Variants in PRKCI observed in about 807,000 individuals in gnomAD.
PRKCI encodes protein kinase C iota type.
PRKCI carries 43 observed loss-of-function variants against 84.0 expected under a neutral mutation model. That is an observed-to-expected ratio of 0.51 (90% CI 0.40 to 0.66). The LOEUF (loss-of-function observed/expected upper bound fraction) is 0.66. PRKCI is among the 30% of genes least tolerant of loss of function. PRKCI has a pLI of 0.00. For missense variants in PRKCI, 459 were observed against 745.6 expected (o/e 0.62, Z 4.48); for synonymous variants, 216 against 234.4 (o/e 0.92, Z 0.72).
At chr3:170,241,317 C>A (rs946134060) in intron 2 of PRKCI, among the ~76,000 whole-genome samples, 14 of 152,184 alleles carry the variant, frequency 9.2e-5, no homozygotes, top group African/African-American at 3.4e-4. Context: ...ACCTTGTACC[C>A]TTTAACTGGC....
At chr3:170,252,727 A>G (rs1193219028) in intron 2 of PRKCI, among the ~76,000 whole-genome samples, 1 of 151,880 alleles carries the variant, frequency 6.6e-6, no homozygotes, top group Non-Finnish European at 1.5e-5. Context: ...GCCTACTGAG[A>G]CTACAGGCTT....
chr3:170,230,033 A>G (rs953000267), intron 1 of PRKCI, among the ~76,000 whole-genome samples: 2 of 152,094 alleles, frequency 1.3e-5, no homozygotes, highest in South Asian at 2.1e-4. Context: ...ATCTGTTGCT[A>G]GTCTGGAGTT....
chr3:170,249,926 T>A (rs1733395790), intron 2 of PRKCI, among the ~76,000 whole-genome samples: 1 of 152,166 alleles, frequency 6.6e-6, no homozygotes, highest in Non-Finnish European at 1.5e-5. Flanking sequence ...AACAGATTTG[T>A]AAACTTTGCT....
intron 2 of PRKCI, among the ~76,000 whole-genome samples, chr3:170,235,978 G>A (rs1381933086): frequency 1.3e-5 from 2 of 151,618 alleles, no homozygotes; most frequent in South Asian, 2.1e-4. Flanking sequence ...TAAAGACAGG[G>A]TCTTGCTAAG....
chr3:170,241,579 G>A (rs957595709), intron 2 of PRKCI, among the ~76,000 whole-genome samples: 2 of 152,056 alleles, frequency 1.3e-5, no homozygotes, highest in Non-Finnish European at 1.5e-5. Context: ...CCATTGATGG[G>A]CATTTCAATT....
intron 8 of PRKCI, among the ~76,000 whole-genome samples, chr3:170,278,454 C>G (rs1464328709): frequency 6.6e-6 from 1 of 152,112 alleles, no homozygotes; most frequent in Non-Finnish European, 1.5e-5. Context: ...TAGTTCAGGA[C>G]CAGCCTTGGC....
chr3:170,301,172 A>G (rs1382697190), intron 17 of PRKCI, among the ~76,000 whole-genome samples: 1 of 152,214 alleles, frequency 6.6e-6, no homozygotes, highest in Non-Finnish European at 1.5e-5. Flanking sequence ...ATGTGTACCA[A>G]GTCATTATTT....
chr3:170,284,391 G>A, intron 11 of PRKCI, 70 bp from the exon 12 acceptor site: 3 of 1,274,834 alleles, frequency 2.4e-6, no homozygotes, highest in Admixed American at 2.5e-5. Context: ...ATGAATTTTT[G>A]TGTTTCCAGT....
chr3:170,249,729 C>G (rs1733388451), intron 2 of PRKCI, among the ~76,000 whole-genome samples: 1 of 149,974 alleles, frequency 6.7e-6, no homozygotes, highest in African/African-American at 2.5e-5. Context: ...CCTGGGAGGT[C>G]AAGGCTGCAG....
In PRKCI at chr3:170,222,455, G is replaced by A. The variant is rs1359048202; in HGVS notation, c.-215G>A. ...GGAGGTGTCTTGGGCCCGGGCGGCTGTAGAGGCGGCGGCGCCTACGGGCAG... is the reference window on the plus strand; with the variant it reads ...GGAGGTGTCTTGGGCCCGGGCGGCTATAGAGGCGGCGGCGCCTACGGGCAG... On this transcript the variant is annotated 5_prime_UTR_variant, in exon 1 of 18. Transcript: ENST00000295797. 2.2e-6 allele frequency: 1 copy of A among 458,238 alleles called. No individual in the cohort carries two copies. Among genetic ancestry groups the A allele is most frequent in the Non-Finnish European group, 3.8e-6 (1 of 264,104 alleles). 28.4% of individuals were successfully genotyped at this position (458,238 alleles called of 1,614,324 possible). A position where few individuals can be genotyped will look rare whatever the true frequency, so the allele number is the denominator to read the frequency against.
At chr3:170,296,839 AGGC>A (rs1734695092) in intron 15 of PRKCI, among the ~76,000 whole-genome samples, 1 of 152,190 alleles carries the variant, frequency 6.6e-6, no homozygotes, top group South Asian at 2.1e-4. Context: ...TATAAGTTGC[AGGC>A]TCCTCAGTCC....
rs190237602 is a variant in PRKCI, at chr3:170,239,435, T to G, written c.223+4084T>G. On this transcript the variant is annotated intron_variant, in intron 2 of 17. Coordinates refer to ENST00000295797, the MANE Select transcript of PRKCI (RefSeq NM_002740.6). ...TAAATGAATATTCTTATTTTAATCC[T>G]GATCATTTCATACCATTTATTTGCT... Among the ~76,000 whole-genome samples, 487 of 152,352 alleles carry G rather than the reference T, an allele frequency of 3.2e-3. 1 individual carries two copies. Among genetic ancestry groups the G allele is most frequent in the African/African-American group, 0.01 (430 of 41,580 alleles).
intron 13 of PRKCI, among the ~76,000 whole-genome samples, chr3:170,292,536 G>A (rs904725897): frequency 1.3e-5 from 2 of 152,174 alleles, no homozygotes; most frequent in African/African-American, 4.8e-5. Context: ...GTACTTGTGA[G>A]AGCTGCTCAA....
At chr3:170,259,851 A>G (rs919323225) in intron 2 of PRKCI, 118 bp from the exon 3 acceptor site, 2 of 483,592 alleles carry the variant, frequency 4.1e-6, no homozygotes, top group South Asian at 4.4e-5. Context: ...TCCTTGTCAT[A>G]TATTTGTTTA....
chr3:170,289,852 C>T (rs1424263930), intron 12 of PRKCI, among the ~76,000 whole-genome samples: 4 of 152,092 alleles, frequency 2.6e-5, no homozygotes, highest in African/African-American at 9.6e-5. Flanking sequence ...GCAGAGGTTG[C>T]AGTGAGCCGA....
rs1295873079 is a variant in PRKCI at position 170,275,140 on chromosome 3, A to G, written c.647-89A>G. On this transcript the variant is annotated intron_variant, in intron 7 of 17. Transcript: ENST00000295797. ...AAACTAAAATAAAAATCAGGAGACA[A>G]TTTTTATTTCAAACTCATTAATGGT... 1.9e-5 allele frequency: 27 copies of G among 1,395,854 alleles called. No individual in the cohort carries two copies. In the East Asian group the frequency reaches 6.0e-4, roughly 31 times the overall value. 86.5% of individuals were successfully genotyped at this position (1,395,854 alleles called of 1,614,324 possible).
intron 12 of PRKCI, among the ~76,000 whole-genome samples, chr3:170,286,485 CTTTTTTTTTTT>C (rs34674664): frequency 4.6e-5 from 3 of 65,582 alleles, no homozygotes; most frequent in Non-Finnish European, 8.1e-5. Context: ...AACAATGAGG[CTTTTTTTTTTT>C]TTTTTTTTTT....
chr3:170,241,378 G>A (rs1194087378), intron 2 of PRKCI, among the ~76,000 whole-genome samples: 1 of 151,952 alleles, frequency 6.6e-6, no homozygotes, highest in Non-Finnish European at 1.5e-5. Flanking sequence ...TACTCTCTAC[G>A]TGTATGAGTT....
intron 4 of PRKCI, among the ~76,000 whole-genome samples, chr3:170,264,960 C>G (rs1346571106): frequency 6.6e-6 from 1 of 151,730 alleles, no homozygotes; most frequent in Non-Finnish European, 1.5e-5. Context: ...CTGAGGCAGG[C>G]AGATCACCTG....
Sources: gnomAD v4.1 joint callset for allele counts (sites outside exome capture counted in the v4.1 genomes callset) on GRCh38, gnomAD v4.1.1 for gene constraint, MANE v1.5 for transcripts, NCBI Gene and HGNC (gene_info 2026-07-23, HGNC 2026-07-21) for gene names.